Variants in MAN2A1 observed in about 807,000 individuals in gnomAD.
MAN2A1 encodes the protein mannosidase alpha class 2A member 1.
MAN2A1 carries 76 observed loss-of-function variants against 142.6 expected under a neutral mutation model. The ratio of observed to expected loss-of-function variants is 0.53; its 90% CI spans 0.44 to 0.65. The LOEUF (loss-of-function observed/expected upper bound fraction) is 0.65, where lower values mean the gene tolerates loss of function less well. Ranked by LOEUF, MAN2A1 falls within the 30% of genes least tolerant of loss-of-function variation. The pLI, the probability that MAN2A1 is intolerant of heterozygous loss-of-function variation, is 0.00. For synonymous variants in MAN2A1, 559 were observed against 473.2 expected (o/e 1.18, Z -2.35); for missense variants, 1,311 against 1,365.1 (o/e 0.96, Z 0.62).
At chr5:109,745,697 C>T (rs985346532) in intron 4 of MAN2A1, among the ~76,000 whole-genome samples, 9 of 152,134 alleles carry the variant, frequency 5.9e-5, no homozygotes, top group Non-Finnish European at 1.3e-4. Flanking sequence ...TAGCTCACTG[C>T]AACCTCAAAC....
At chr5:109,740,482 T>A (rs1233422144) in intron 4 of MAN2A1, among the ~76,000 whole-genome samples, 2 of 152,042 alleles carry the variant, frequency 1.3e-5, no homozygotes, top group Non-Finnish European at 2.9e-5. Flanking sequence ...AGAAGGAAAC[T>A]GGGTCTGCTG....
chr5:109,851,384 A>T (rs2112768873), intron 19 of MAN2A1, among the ~76,000 whole-genome samples: 1 of 152,300 alleles, frequency 6.6e-6, no homozygotes, highest in South Asian at 2.1e-4. Flanking sequence ...CCATTGTGGT[A>T]ATGTTGGGAG....
intron 8 of MAN2A1, among the ~76,000 whole-genome samples, chr5:109,778,460 A>G (rs1182432949): frequency 6.6e-6 from 1 of 152,100 alleles, no homozygotes; most frequent in East Asian, 1.9e-4. Context: ...TTCGTTAGTC[A>G]TAATGTTTGC....
intron 16 of MAN2A1, among the ~76,000 whole-genome samples, chr5:109,841,913 G>C (rs1156905869): frequency 6.6e-6 from 1 of 152,118 alleles, no homozygotes; most frequent in Non-Finnish European, 1.5e-5. Context: ...ATAATTTCTG[G>C]TCTATAAGGA....
intron 3 of MAN2A1, among the ~76,000 whole-genome samples, chr5:109,717,807 G>T (rs1246086853): frequency 1.3e-5 from 2 of 152,142 alleles, no homozygotes; most frequent in Non-Finnish European, 2.9e-5. Context: ...TTAAGCCAGG[G>T]TTAGTTATAA....
At chr5:109,843,754 ATTT>A (rs1755277060) in intron 17 of MAN2A1, among the ~76,000 whole-genome samples, 2 of 152,220 alleles carry the variant, frequency 1.3e-5, no homozygotes, top group African/African-American at 2.4e-5. Flanking sequence ...CAATTCTCCA[ATTT>A]AATAGAGCAC....
intron 19 of MAN2A1, chr5:109,853,653 A>T (rs542296830): frequency 6.6e-6 from 1 of 152,182 alleles, no homozygotes; most frequent in South Asian, 2.1e-4. Context: ...TTTCTGTTTG[A>T]ATCTTTTATG....
At chr5:109,851,256 CCAT>C (rs1755474466) in intron 19 of MAN2A1, among the ~76,000 whole-genome samples, 1 of 152,170 alleles carries the variant, frequency 6.6e-6, no homozygotes, top group African/African-American at 2.4e-5. Context: ...ACGAGGTTGA[CCAT>C]CATTTATGCT....
At chr5:109,694,554 T>A (rs971579946) in intron 1 of MAN2A1, among the ~76,000 whole-genome samples, 4 of 152,162 alleles carry the variant, frequency 2.6e-5, no homozygotes, top group Non-Finnish European at 5.9e-5. Context: ...CTTACTATGT[T>A]GACCAACTGG....
intron 12 of MAN2A1, among the ~76,000 whole-genome samples, chr5:109,797,070 A>G (rs1291096918): frequency 1.3e-5 from 2 of 152,194 alleles, no homozygotes; most frequent in Non-Finnish European, 2.9e-5. Flanking sequence ...AAAAGGACCA[A>G]GGGTAGTTTT....
chr5:109,831,496 C>T (rs557749568), intron 16 of MAN2A1, among the ~76,000 whole-genome samples: 3 of 152,236 alleles, frequency 2.0e-5, no homozygotes, highest in African/African-American at 7.2e-5. Flanking sequence ...AACTCTTTGT[C>T]CCTTATATAT....
intron 19 of MAN2A1, among the ~76,000 whole-genome samples, chr5:109,848,575 C>G (rs4141494): frequency 1.3e-5 from 2 of 151,892 alleles, no homozygotes; most frequent in Admixed American, 6.6e-5. Context: ...CTTCCCATCT[C>G]TCCTCCTGTT....
At chr5:109,846,204 C>A (rs1448766403) in intron 18 of MAN2A1, among the ~76,000 whole-genome samples, 198 bp downstream of exon 18, 2 of 152,184 alleles carry the variant, frequency 1.3e-5, no homozygotes, top group Non-Finnish European at 2.9e-5. Context: ...CCTAAATCTT[C>A]AGATGAAGAA....
At chr5:109,770,606 T>G in intron 7 of MAN2A1, 65 bp downstream of exon 7, 1 of 1,432,272 alleles carries the variant, frequency 7.0e-7, no homozygotes, top group Non-Finnish European at 9.7e-7. Context: ...TGCTAGTTGC[T>G]GAAGGGTTGA....
intron 19 of MAN2A1, among the ~76,000 whole-genome samples, chr5:109,850,052 C>A (rs2112767514): frequency 1.3e-5 from 2 of 152,292 alleles, no homozygotes; most frequent in East Asian, 3.9e-4. Flanking sequence ...AAAGCCCTTC[C>A]CCTATGCTGC....
chr5:109,769,090 A>G (rs1218088318), intron 6 of MAN2A1, among the ~76,000 whole-genome samples: 3 of 152,176 alleles, frequency 2.0e-5, no homozygotes, highest in South Asian at 2.1e-4. Context: ...GGTATGGAGT[A>G]TGTCCTTATC....
At chr5:109,810,100 T>A (rs1754276676) in intron 12 of MAN2A1, among the ~76,000 whole-genome samples, 1 of 152,142 alleles carries the variant, frequency 6.6e-6, no homozygotes, top group Non-Finnish European at 1.5e-5. Context: ...CTCTACCTTG[T>A]CCTCTACTTG....
At chr5:109,747,280 T>C (rs777127841) in intron 4 of MAN2A1, among the ~76,000 whole-genome samples, 4 of 152,142 alleles carry the variant, frequency 2.6e-5, no homozygotes, top group Non-Finnish European at 5.9e-5. Flanking sequence ...TAGACATAAA[T>C]ATGAGCATGA....
At position 109,865,121 on chromosome 5, in the gene MAN2A1, T is replaced by C; in HGVS notation, c.3257T>C (p.Leu1086Pro). The C allele has an allele frequency of 6.2e-7, 1 of 1,613,948 alleles. No homozygotes were observed. ...CGGTTCTCTAGCAAAGGCACAGGGCTGTTTTGTTCTACTACTCAGGGAAAG... is the reference window on the plus strand; with the variant it reads ...CGGTTCTCTAGCAAAGGCACAGGGCCGTTTTGTTCTACTACTCAGGGAAAG... Reference protein sequence around the residue: ...DCRFSSKGTGLFCSTTQGKIL... With the variant: ...DCRFSSKGTGPFCSTTQGKIL... The change falls in exon 21 of 22, where the codon CTG becomes CCG. Residue 1086 changes from leucine (L) to proline (P), a missense_variant. Leu to Pro is a moderately conservative substitution (Grantham distance 98). Coordinates refer to ENST00000261483, the MANE Select transcript of MAN2A1 (RefSeq NM_002372.4).
Sources: gnomAD v4.1 joint callset for allele counts (sites outside exome capture counted in the v4.1 genomes callset) on GRCh38, gnomAD v4.1.1 for gene constraint, MANE v1.5 for transcripts, NCBI Gene and HGNC (gene_info 2026-07-23, HGNC 2026-07-21) for gene names.